ENTREP2: variants seen among roughly 807,000 people sequenced by gnomAD.
ENTREP2 encodes endosomal transmembrane epsin interactor 2.
At chr15:29,231,885 C>CTTTTT in the ENTREP2 span, among the ~76,000 whole-genome samples, 180 of 129,930 alleles carry the variant, frequency 1.4e-3, 9 homozygotes, top group South Asian at 1.5e-3. Context: ...GTTTTCTTTT[C>CTTTTT]TTTTCTTTCT....
chr15:29,325,002 C>T, the ENTREP2 span, among the ~76,000 whole-genome samples: 2 of 152,032 alleles, frequency 1.3e-5, no homozygotes, highest in Admixed American at 1.3e-4. Flanking sequence ...GCTCTTAGAC[C>T]ACAGTAGAAT....
the ENTREP2 span, among the ~76,000 whole-genome samples, chr15:29,473,848 C>A: frequency 6.6e-6 from 1 of 152,314 alleles, no homozygotes; most frequent in East Asian, 1.9e-4. Flanking sequence ...TGCTCTAGCA[C>A]TCATTCATGA....
the ENTREP2 span, among the ~76,000 whole-genome samples, chr15:29,379,733 G>A: frequency 6.6e-6 from 1 of 152,154 alleles, no homozygotes; most frequent in Non-Finnish European, 1.5e-5. Context: ...CATCCTGCAT[G>A]GTAAAATGCC....
the ENTREP2 span, among the ~76,000 whole-genome samples, chr15:29,667,967 AT>A: frequency 6.6e-6 from 1 of 152,098 alleles, no homozygotes; most frequent in Non-Finnish European, 1.5e-5. Flanking sequence ...CTAAATTAGA[AT>A]CTCCCTACCC....
the ENTREP2 span, among the ~76,000 whole-genome samples, chr15:29,608,124 G>C: frequency 6.6e-6 from 1 of 152,090 alleles, no homozygotes; most frequent in Non-Finnish European, 1.5e-5. Context: ...ACCAGATTAA[G>C]GGTGGGTCTA....
At chr15:29,427,309 G>A in the ENTREP2 span, among the ~76,000 whole-genome samples, 3 of 152,118 alleles carry the variant, frequency 2.0e-5, no homozygotes, top group East Asian at 1.9e-4. Context: ...GGTTGAAAAC[G>A]AAGACTGCCT....
At chr15:29,656,863 C>A in the ENTREP2 span, among the ~76,000 whole-genome samples, 1 of 152,208 alleles carries the variant, frequency 6.6e-6, no homozygotes, top group Non-Finnish European at 1.5e-5. Context: ...CCCAAGTGAA[C>A]TGAAAACTCA....
At chr15:29,655,748 G>A in the ENTREP2 span, among the ~76,000 whole-genome samples, 1 of 152,048 alleles carries the variant, frequency 6.6e-6, no homozygotes, top group Admixed American at 6.5e-5. Flanking sequence ...AAAACAAACC[G>A]GGCACAGTGG....
At chr15:29,351,692 G>C in the ENTREP2 span, among the ~76,000 whole-genome samples, 1 of 152,010 alleles carries the variant, frequency 6.6e-6, no homozygotes, top group Non-Finnish European at 1.5e-5. Flanking sequence ...ATCCAGGCTG[G>C]AGTGCAGTCA....
At chr15:29,570,590 A>G in the ENTREP2 span, 1 of 1,465,558 alleles carries the variant, frequency 6.8e-7, no homozygotes, top group Non-Finnish European at 9.0e-7. Context: ...TGCCACGATG[A>G]GGCATCCGAG....
At chr15:29,382,556 CT>C in the ENTREP2 span, among the ~76,000 whole-genome samples, 3 of 152,186 alleles carry the variant, frequency 2.0e-5, no homozygotes, top group African/African-American at 7.2e-5. Flanking sequence ...CAGCCCACTC[CT>C]TTCCCAGGCC....
the ENTREP2 span, among the ~76,000 whole-genome samples, chr15:29,135,282 T>C: frequency 6.6e-6 from 1 of 152,160 alleles, no homozygotes; most frequent in Non-Finnish European, 1.5e-5. The surrounding 1 kb of genome is among the most constrained non-coding windows in gnomAD (Gnocchi z 7.4). Context: ...TGTCGGCCTC[T>C]CTAGCAGGAT....
At chr15:29,489,440 T>G in the ENTREP2 span, among the ~76,000 whole-genome samples, 1 of 152,182 alleles carries the variant, frequency 6.6e-6, no homozygotes, top group African/African-American at 2.4e-5. Flanking sequence ...TGGGGTGATC[T>G]TTATCAACAG....
chr15:29,123,533 G>A, the ENTREP2 span: 28 of 1,551,654 alleles, frequency 1.8e-5, no homozygotes, highest in Admixed American at 9.8e-5. Flanking sequence ...GAGCGTGGCC[G>A]CTCTTTGGAG....
the ENTREP2 span, among the ~76,000 whole-genome samples, chr15:29,286,570 G>A: frequency 1.3e-5 from 2 of 152,110 alleles, no homozygotes; most frequent in Non-Finnish European, 2.9e-5. Flanking sequence ...GGAATGCGGC[G>A]GTAGTGACAC....
At chr15:29,617,199 T>C in the ENTREP2 span, among the ~76,000 whole-genome samples, 1 of 152,208 alleles carries the variant, frequency 6.6e-6, no homozygotes, top group African/African-American at 2.4e-5. Flanking sequence ...TACTGCAGCC[T>C]GAGCCCAAAG....
the ENTREP2 span, among the ~76,000 whole-genome samples, chr15:29,185,758 T>C: frequency 2.0e-5 from 3 of 151,668 alleles, no homozygotes; most frequent in Non-Finnish European, 4.4e-5. Flanking sequence ...GACAGGGTTT[T>C]GCCGTGTTGG....
chr15:29,309,005 T>G, the ENTREP2 span, among the ~76,000 whole-genome samples: 2 of 152,146 alleles, frequency 1.3e-5, no homozygotes. Context: ...TATAAAAGCA[T>G]TTGTGTTTTG....
chr15:29,330,703 A>G, the ENTREP2 span, among the ~76,000 whole-genome samples: 1 of 152,200 alleles, frequency 6.6e-6, no homozygotes, highest in Non-Finnish European at 1.5e-5. Context: ...GACAAAAAAC[A>G]TTAGGTAAAA....
Sources: gnomAD v4.1 joint callset for allele counts (sites outside exome capture counted in the v4.1 genomes callset) on GRCh38, gnomAD v4.1.1 for gene constraint, Gnocchi (gnomAD v3.1) non-coding constraint, MANE v1.5 for transcripts, NCBI Gene and HGNC (gene_info 2026-07-23, HGNC 2026-07-21) for gene names.